The following ADAMDEC1 variants were observed in gnomAD, a reference collection of about 807,000 sequenced individuals.
ADAMDEC1 encodes ADAM like decysin 1, also known as ADAM DEC1.
In ADAMDEC1, 62 loss-of-function variants were observed where a neutral mutation model predicts 60.4. That is an observed-to-expected ratio of 1.03 (90% confidence interval 0.84 to 1.27). The LOEUF (loss-of-function observed/expected upper bound fraction) is 1.27, where lower values mean the gene tolerates loss of function less well. Among genes scored for constraint, ADAMDEC1 ranks in the 50% most tolerant of loss-of-function variants. The pLI, the probability that ADAMDEC1 is intolerant of heterozygous loss-of-function variation, is 0.00. For synonymous variants in ADAMDEC1, 210 were observed against 195.1 expected (o/e 1.08, Z -0.64); for missense variants, 595 against 565.0 (o/e 1.05, Z -0.54).
Position 24,393,323 on chromosome 8 carries a change from C to T in ADAMDEC1, c.269C>T (p.Ser90Phe), listed in dbSNP as rs1355953365. 5.0e-6 allele frequency: 8 copies of T among 1,603,482 alleles called. No individual in the cohort carries two copies. The highest frequency in any genetic ancestry group is 1.7e-5 in the Admixed American group (1 of 59,256). ...TTAAATGGAGAAGAAATCATTCTCT[C>T]CCTACAAAAAACCAAGTAAGTTGTA... is the stretch of plus-strand genomic sequence containing the variant. The part of the protein sequence containing the change: ...MILNGEEIIL[S>F]LQKTKHLLGP... Residue 90 changes from serine (S) to phenylalanine (F), a missense_variant, in exon 3 of 14, where the codon TCC becomes TTC. Coordinates refer to ENST00000256412, the MANE Select transcript of ADAMDEC1 (RefSeq NM_014479.3).
chr8:24,389,653 G>A (rs1299690823), intron 1 of ADAMDEC1, among the ~76,000 whole-genome samples: 1 of 152,110 alleles, frequency 6.6e-6, no homozygotes, highest in Non-Finnish European at 1.5e-5. Context: ...ATCAGGTCTT[G>A]CACAATCTAT....
At chr8:24,395,495 G>A (rs1817582290) in intron 4 of ADAMDEC1, among the ~76,000 whole-genome samples, 1 of 152,160 alleles carries the variant, frequency 6.6e-6, no homozygotes, top group Non-Finnish European at 1.5e-5. Context: ...CAAATATAGA[G>A]AGTTTCCAGT....
At chr8:24,393,903 T>C (rs947506094) in intron 3 of ADAMDEC1, among the ~76,000 whole-genome samples, 166 bp from the exon 4 acceptor site, 1 of 152,210 alleles carries the variant, frequency 6.6e-6, no homozygotes, top group Non-Finnish European at 1.5e-5. Context: ...GAACCAACTC[T>C]CTGATTTGCT....
intron 1 of ADAMDEC1, among the ~76,000 whole-genome samples, chr8:24,390,477 C>T (rs994197984): frequency 6.6e-6 from 1 of 152,162 alleles, no homozygotes; most frequent in East Asian, 1.9e-4. Flanking sequence ...AATCCCAGCA[C>T]TTTAGGAGGC....
intron 12 of ADAMDEC1, among the ~76,000 whole-genome samples, chr8:24,403,267 T>C (rs1817809619): frequency 6.6e-6 from 1 of 152,142 alleles, no homozygotes; most frequent in African/African-American, 2.4e-5. Context: ...TTCCAAAAAG[T>C]AGTATGTATA....
intron 3 of ADAMDEC1, 130 bp downstream of exon 3, chr8:24,393,468 G>C (rs1229666357): frequency 1.9e-6 from 1 of 530,366 alleles, no homozygotes; most frequent in African/African-American, 1.9e-5. Context: ...GATGATACTA[G>C]TTTGTGCTAA....
At chr8:24,392,881 G>A (rs1449227006) in intron 2 of ADAMDEC1, among the ~76,000 whole-genome samples, 1 of 128,996 alleles carries the variant, frequency 7.8e-6, no homozygotes, top group African/African-American at 2.9e-5. Context: ...TTAGTGGGTT[G>A]AGAGGTTTTT....
chr8:24,392,003 T>C (rs1283313641), intron 1 of ADAMDEC1, among the ~76,000 whole-genome samples: 1 of 152,032 alleles, frequency 6.6e-6, no homozygotes. Flanking sequence ...AGAGTTTGCA[T>C]ACACTGAGAG....
chr8:24,390,624 G>A (rs1817418890), intron 1 of ADAMDEC1, among the ~76,000 whole-genome samples: 2 of 152,138 alleles, frequency 1.3e-5, no homozygotes, highest in South Asian at 4.1e-4. Context: ...GGAGGTTGAG[G>A]CAGGAGAATC....
At chr8:24,399,850 T>A (rs916607575) in intron 10 of ADAMDEC1, among the ~76,000 whole-genome samples, 4 of 152,282 alleles carry the variant, frequency 2.6e-5, no homozygotes, top group Middle Eastern at 3.4e-3. Context: ...AGAACTCCAG[T>A]GTCATAGGTA....
At chr8:24,397,009 C>A (rs953511659) in intron 5 of ADAMDEC1, among the ~76,000 whole-genome samples, 1 of 152,100 alleles carries the variant, frequency 6.6e-6, no homozygotes, top group African/African-American at 2.4e-5. Flanking sequence ...AAATATTTAC[C>A]ACGGTGCAAA....
In ADAMDEC1 at chr8:24,405,455, G is replaced by A. The variant is rs757791965; in HGVS notation, c.*157G>A. Reference sequence around the variant, plus strand: ...CAGTCCAGGAAACAGGTAAACAGATGTAATTAGAGACATTGGCTCTTTGTT... The same window carrying A: ...CAGTCCAGGAAACAGGTAAACAGATATAATTAGAGACATTGGCTCTTTGTT... On this transcript the variant is annotated 3_prime_UTR_variant, in exon 14 of 14. Transcript: ENST00000256412. 1.2e-5 allele frequency: 8 copies of A among 693,902 alleles called. No homozygotes were observed. The highest frequency in any genetic ancestry group is 1.9e-5 in the Non-Finnish European group (8 of 431,346). 43.0% of individuals were successfully genotyped at this position (693,902 alleles called of 1,614,324 possible).
At chr8:24,384,653 TGCCTTTTG>T in intron 1 of ADAMDEC1, 61 bp downstream of exon 1, 1 of 1,456,964 alleles carries the variant, frequency 6.9e-7, no homozygotes, top group South Asian at 1.3e-5. Flanking sequence ...ATGTTTAAAG[TGCCTTTTG>T]AAAAAAAATG....
chr8:24,389,260 C>T (rs1051383102), intron 1 of ADAMDEC1, among the ~76,000 whole-genome samples: 3 of 152,160 alleles, frequency 2.0e-5, no homozygotes, highest in African/African-American at 7.2e-5. Context: ...GTTCTTCCTT[C>T]ACCTTTCCTC....
At chr8:24,404,142 T>C (rs1817833422) in intron 13 of ADAMDEC1, 54 bp downstream of exon 13, 4 of 1,539,150 alleles carry the variant, frequency 2.6e-6, no homozygotes, top group Non-Finnish European at 3.6e-6. Context: ...TTATTTCAGA[T>C]TTGAGAAAAA....
intron 2 of ADAMDEC1, among the ~76,000 whole-genome samples, chr8:24,393,031 A>G (rs1817491704): frequency 6.6e-6 from 1 of 151,636 alleles, no homozygotes; most frequent in Non-Finnish European, 1.5e-5. Context: ...AGAAGTCCCT[A>G]TCTCACATAT....
Position 24,384,596 on chromosome 8 carries a change from C to G in ADAMDEC1, c.88+4C>G, listed in dbSNP as rs1175199212. ...TGGCTCATTGTTCAAACTCAAGGTA[C>G]GTACCATCACACCAGCATTTTACAT... On this transcript the variant is annotated splice_donor_region_variant and intron_variant, in intron 1 of 13. Coordinates refer to ENST00000256412, the MANE Select transcript of ADAMDEC1 (RefSeq NM_014479.3). 2 of 1,604,618 alleles carry G rather than the reference C, an allele frequency of 1.2e-6. No homozygotes were observed. Among genetic ancestry groups the G allele is most frequent in the African/African-American group, 2.7e-5 (2 of 74,354 alleles).
chr8:24,387,063 G>A (rs537037670), intron 1 of ADAMDEC1: 24 of 152,342 alleles, frequency 1.6e-4, no homozygotes, highest in African/African-American at 5.5e-4. Flanking sequence ...GTCTGCTATG[G>A]CCTCAGTTAA....
chr8:24,399,601 C>A, intron 10 of ADAMDEC1, 127 bp downstream of exon 10: 1 of 835,984 alleles, frequency 1.2e-6, no homozygotes, highest in Admixed American at 1.9e-5. Context: ...AATGAAACTA[C>A]TGGTAGGTCA....
Sources: allele counts gnomAD v4.1 joint callset (sites outside exome capture counted in the v4.1 genomes callset), GRCh38; gene constraint gnomAD v4.1.1; transcripts MANE v1.5; gene names NCBI Gene and HGNC (gene_info 2026-07-23, HGNC 2026-07-21).